THRA: variants seen among roughly 807,000 people sequenced by gnomAD.
THRA encodes EAR-7.
THRA carries 13 observed loss-of-function variants against 45.0 expected under a neutral mutation model. The observed-to-expected ratio is 0.29, with a 90% CI of 0.19 to 0.46. The LOEUF is 0.46. THRA is among the 20% of genes least tolerant of loss of function. The probability of loss-of-function intolerance (pLI) is 1.00; values close to 1 mark genes in which losing one functional copy is unlikely to be tolerated. For synonymous variants in THRA, 195 were observed against 214.0 expected (o/e 0.91, Z 0.78); for missense variants, 278 against 556.1 (o/e 0.50, Z 5.03).
intron 7 of THRA, 154 bp downstream of exon 7, chr17:40,087,007 C>A: frequency 1.1e-6 from 1 of 941,568 alleles, no homozygotes; most frequent in Non-Finnish European, 1.6e-6. Flanking sequence ...CACACACACA[C>A]ATGCATACAC....
At chr17:40,083,465 G>T (rs910990489) in intron 4 of THRA, among the ~76,000 whole-genome samples, 1 of 148,088 alleles carries the variant, frequency 6.8e-6, no homozygotes, top group Non-Finnish European at 1.5e-5. Context: ...TGCCCACCTC[G>T]GCCTCCCAAA....
rs1199699143 is a variant in THRA, at chr17:40,088,480, C to T, written c.962C>T (p.Ala321Val). Residue 321 changes from alanine (A) to valine (V), a missense_variant, in exon 8 of 9, where the codon GCT becomes GTT. By Grantham distance (64) the Ala-to-Val change is moderately conservative. Around this residue, in one of 6 missense-constraint regions of THRA, gnomAD observed 66 missense variants for 94.7 expected, o/e 0.70. Coordinates refer to ENST00000450525, the MANE Select transcript of THRA (RefSeq NM_199334.5). ...GACACGGAAGTGGCTCTGCTGCAGGCTGTGCTGCTAATGTCAACAGGTACC... is the reference window on the plus strand; with the variant it reads ...GACACGGAAGTGGCTCTGCTGCAGGTTGTGCTGCTAATGTCAACAGGTACC... ...LDDTEVALLQ[A>V]VLLMSTDRSG... is the part of the protein sequence containing the mutation. 6.2e-7 allele frequency: 1 copy of T among 1,613,424 alleles called. No homozygotes were observed. Among genetic ancestry groups the T allele is most frequent in the Non-Finnish European group, 8.5e-7 (1 of 1,179,484 alleles).
chr17:40,072,722 G>T (rs1249707312), intron 1 of THRA, among the ~76,000 whole-genome samples: 1 of 151,970 alleles, frequency 6.6e-6, no homozygotes, highest in African/African-American at 2.4e-5. Flanking sequence ...AGAGCATTAG[G>T]CCCCAGTGCC....
At chr17:40,076,710 G>A (rs138451108) in intron 2 of THRA, among the ~76,000 whole-genome samples, 161 bp from the exon 3 acceptor site, 180 of 152,228 alleles carry the variant, frequency 1.2e-3, no homozygotes, top group Non-Finnish European at 2.1e-3. Flanking sequence ...CCAGATAACT[G>A]GACCCTTTTA....
chr17:40,075,074 G>A (rs1000047973), intron 2 of THRA, among the ~76,000 whole-genome samples: 12 of 152,272 alleles, frequency 7.9e-5, no homozygotes, highest in African/African-American at 2.9e-4. Context: ...GCACTGCGAT[G>A]GGGCTCCTCC....
chr17:40,065,417 A>G (rs936555886), intron 1 of THRA, among the ~76,000 whole-genome samples: 3 of 151,830 alleles, frequency 2.0e-5, no homozygotes, highest in African/African-American at 7.3e-5. Context: ...AGTGATATGT[A>G]CTTTTGACTT....
intron 6 of THRA, 68 bp downstream of exon 6, chr17:40,084,883 C>T: frequency 6.4e-7 from 1 of 1,557,818 alleles, no homozygotes; most frequent in Non-Finnish European, 8.8e-7. Context: ...AGCTCGGAGT[C>T]TTGCCTCCTC....
intron 6 of THRA, among the ~76,000 whole-genome samples, chr17:40,085,598 T>G (rs1987293998): frequency 6.6e-6 from 1 of 151,818 alleles, no homozygotes; most frequent in Non-Finnish European, 1.5e-5. Context: ...CCTCCCAAAG[T>G]GCTGTGATTA....
chr17:40,066,824 T>C (rs1986592435), intron 1 of THRA, among the ~76,000 whole-genome samples: 2 of 152,242 alleles, frequency 1.3e-5, no homozygotes, highest in African/African-American at 4.8e-5. Context: ...TGTCACTTGC[T>C]GGATGTGTGA....
chr17:40,080,671 G>A (rs1987105446), intron 4 of THRA, among the ~76,000 whole-genome samples: 1 of 151,360 alleles, frequency 6.6e-6, no homozygotes, highest in Admixed American at 6.6e-5. Flanking sequence ...TTGTAGTTCT[G>A]GAGTGAGGCC....
chr17:40,089,752 G>A lies in THRA; in HGVS notation c.*296G>A. 2 of 1,257,086 alleles carry A rather than the reference G, an allele frequency of 1.6e-6. No homozygotes were observed. Among genetic ancestry groups the A allele is most frequent in the South Asian group, 3.5e-5 (2 of 57,182 alleles). 77.9% of individuals were successfully genotyped at this position (1,257,086 alleles called of 1,614,324 possible). ...TCAGAAGGTAGGGGAAGGGCGGGAG[G>A]ATTGAGAAGGGACAAGCCACCTTGA... On this transcript the variant is annotated 3_prime_UTR_variant, in exon 9 of 9. Coordinates refer to ENST00000450525, the MANE Select transcript of THRA (RefSeq NM_199334.5). This position sits in a 1 kb window ranked among gnomAD's most constrained non-coding sequence, Gnocchi z 6.1.
intron 2 of THRA, among the ~76,000 whole-genome samples, chr17:40,074,876 C>G (rs1344589666): frequency 6.6e-6 from 1 of 152,232 alleles, no homozygotes; most frequent in Non-Finnish European, 1.5e-5. Context: ...ATCCAAACAG[C>G]CTTGCCATTT....
At chr17:40,080,620 A>G (rs1343147848) in intron 4 of THRA, among the ~76,000 whole-genome samples, 1 of 152,026 alleles carries the variant, frequency 6.6e-6, no homozygotes, top group African/African-American at 2.4e-5. Flanking sequence ...GCACCCTGAA[A>G]AGACAGAGAT....
Position 40,088,379 on chromosome 17 carries a change from C to T in THRA, c.861C>T (p.Leu287=), listed in dbSNP as rs1420675109. The T allele has an allele frequency of 6.2e-7, 1 of 1,614,056 alleles. No homozygotes were observed. Among genetic ancestry groups the T allele is most frequent in the Non-Finnish European group, 8.5e-7 (1 of 1,180,016 alleles). ...AGATGGCTGTCAAGCGGGAGCAGCT[C>T]AAGAATGGCGGCCTGGGCGTAGTCT... ...SGEMAVKREQ[L]KNGGLGVVSD... Residue 287 remains leucine, a synonymous_variant, in exon 8 of 9, where the codon CTC becomes CTT. Coordinates refer to ENST00000450525, the MANE Select transcript of THRA (RefSeq NM_199334.5).
At chr17:40,077,041 TG>T in intron 3 of THRA, 103 bp downstream of exon 3, 10 of 1,223,016 alleles carry the variant, frequency 8.2e-6, no homozygotes, top group Admixed American at 2.1e-5. Flanking sequence ...ATGTGTTCCC[TG>T]GGGGGAGCCT....
At chr17:40,065,781 G>GC (rs899937689) in intron 1 of THRA, among the ~76,000 whole-genome samples, 62 of 151,924 alleles carry the variant, frequency 4.1e-4, no homozygotes, top group Admixed American at 3.2e-3. Context: ...AAGGGGGGGG[G>GC]GGTCAGCCAC....
At chr17:40,071,354 G>A (rs1986768370) in intron 1 of THRA, among the ~76,000 whole-genome samples, 1 of 152,260 alleles carries the variant, frequency 6.6e-6, no homozygotes, top group Admixed American at 6.5e-5. Flanking sequence ...ATACAGGACT[G>A]CAGAGTGGGA....
intron 2 of THRA, among the ~76,000 whole-genome samples, chr17:40,074,891 C>T (rs1986897531): frequency 6.6e-6 from 1 of 152,224 alleles, no homozygotes; most frequent in African/African-American, 2.4e-5. Flanking sequence ...CCATTTTCTT[C>T]CTCTCCCTAC....
chr17:40,083,086 C>T (rs963866130), intron 4 of THRA, among the ~76,000 whole-genome samples: 1 of 152,086 alleles, frequency 6.6e-6, no homozygotes, highest in Non-Finnish European at 1.5e-5. Flanking sequence ...ACCACCATGC[C>T]CGGCTATTTT....
Sources: gnomAD v4.1 joint callset for allele counts (sites outside exome capture counted in the v4.1 genomes callset) on GRCh38, gnomAD v4.1.1 for gene constraint, gnomAD v4.1.1 regional missense constraint, Gnocchi (gnomAD v3.1) non-coding constraint, MANE v1.5 for transcripts, NCBI Gene and HGNC (gene_info 2026-07-23, HGNC 2026-07-21) for gene names.